Variants in POTEJ observed in about 807,000 individuals in gnomAD.
The protein encoded by POTEJ is POTE ankyrin domain family, member J.
In POTEJ, 11 loss-of-function variants were observed where a neutral mutation model predicts 69.0. That is an observed-to-expected ratio of 0.16 (90% CI 0.10 to 0.26). The LOEUF is 0.26. POTEJ is among the 10% of genes least tolerant of loss of function. POTEJ has a pLI of 1.00. For missense variants in POTEJ, 327 were observed against 1,045.5 expected (o/e 0.31, Z 9.48); for synonymous variants, 117 against 381.1 (o/e 0.31, Z 8.07).
intron 10 of POTEJ, among the ~76,000 whole-genome samples, chr2:130,643,527 A>G (rs1403747116): frequency 1.4e-5 from 2 of 143,866 alleles, no homozygotes; most frequent in Admixed American, 7.0e-5. Context: ...TTAAAAAAAA[A>G]AAAAGAAAAA....
At position 130,611,718 on chromosome 2, in the gene POTEJ, C is replaced by T. The variant is rs2105189169; in HGVS notation, c.186C>T (p.Gly62=). 1.3e-6 allele frequency: 2 copies of T among 1,561,936 alleles called. No individual in the cohort carries two copies. Among genetic ancestry groups the T allele is most frequent in the East Asian group, 4.5e-5 (2 of 44,518 alleles). ...TGAAGACACTCAGGAGCAAGATGGG[C>T]AAGTGGTGCTGCCACTGCTTCCCCT... ...STMKTLRSKM[G]KWCCHCFPCC... is the part of the protein sequence containing the mutation. The change falls in exon 1 of 15, where the codon GGC becomes GGT. Residue 62 remains glycine (G), a synonymous_variant. Transcript: ENST00000409602.
intron 6 of POTEJ, among the ~76,000 whole-genome samples, chr2:130,628,805 A>G (rs1467745380): frequency 2.7e-5 from 4 of 149,898 alleles, no homozygotes; most frequent in Non-Finnish European, 4.4e-5. Context: ...GCAGATCACA[A>G]GGTCAAAAGA....
At chr2:130,649,426 G>T (rs1434778894) in intron 13 of POTEJ, among the ~76,000 whole-genome samples, 1 of 152,190 alleles carries the variant, frequency 6.6e-6, no homozygotes, top group Non-Finnish European at 1.5e-5. Context: ...TCTATCTGAA[G>T]AATATATCCA....
chr2:130,640,014 T>G (rs1260293794), intron 10 of POTEJ, among the ~76,000 whole-genome samples: 24 of 151,586 alleles, frequency 1.6e-4, no homozygotes, highest in Non-Finnish European at 2.8e-4. Flanking sequence ...TAATTATGAT[T>G]TATTATATGT....
intron 13 of POTEJ, among the ~76,000 whole-genome samples, chr2:130,646,681 G>A (rs1408626360): frequency 7.1e-6 from 1 of 141,684 alleles, no homozygotes; most frequent in East Asian, 2.0e-4. Context: ...GTAGTTTTTT[G>A]GTCGTCTCCC....
At chr2:130,613,734 T>A (rs1337343169) in intron 1 of POTEJ, among the ~76,000 whole-genome samples, 1 of 131,404 alleles carries the variant, frequency 7.6e-6, no homozygotes, top group African/African-American at 3.3e-5. Context: ...AAGCTCATTT[T>A]AAAATTGGGC....
intron 9 of POTEJ, among the ~76,000 whole-genome samples, chr2:130,636,538 C>T (rs1377833402): frequency 6.8e-6 from 1 of 146,968 alleles, no homozygotes; most frequent in Admixed American, 6.9e-5. Flanking sequence ...TTTCCCACCA[C>T]CCTCCCCATC....
intron 6 of POTEJ, among the ~76,000 whole-genome samples, chr2:130,625,863 C>T (rs895751657): frequency 1.5e-5 from 2 of 133,882 alleles, no homozygotes; most frequent in Admixed American, 1.5e-4. Flanking sequence ...GGGAAATTTA[C>T]CGGGTAGAAT....
At chr2:130,643,308 G>T (rs1292633174) in intron 10 of POTEJ, among the ~76,000 whole-genome samples, 4 of 136,812 alleles carry the variant, frequency 2.9e-5, no homozygotes, top group African/African-American at 1.1e-4. Context: ...GGATCACGAG[G>T]TCAGGAGATC....
intron 10 of POTEJ, among the ~76,000 whole-genome samples, chr2:130,643,108 G>A (rs1573991427): frequency 1.4e-5 from 2 of 147,436 alleles, no homozygotes; most frequent in South Asian, 4.2e-4. Context: ...GAGGAATAAT[G>A]TACAGTTTAG....
chr2:130,656,265 C>T (rs1686982672), intron 14 of POTEJ, among the ~76,000 whole-genome samples: 1 of 142,976 alleles, frequency 7.0e-6, no homozygotes, highest in South Asian at 2.1e-4. Flanking sequence ...TAAAAATCCT[C>T]TAGTGATTTA....
chr2:130,637,620 G>T (rs1267895993), intron 9 of POTEJ, among the ~76,000 whole-genome samples: 1 of 152,244 alleles, frequency 6.6e-6, no homozygotes, highest in Non-Finnish European at 1.5e-5. Context: ...ATGTAAGGTG[G>T]TCTGTGAGAT....
chr2:130,640,573 G>A (rs1180407187), intron 10 of POTEJ, among the ~76,000 whole-genome samples: 1 of 151,924 alleles, frequency 6.6e-6, no homozygotes, highest in African/African-American at 2.4e-5. Context: ...CTCCTTTCGT[G>A]GTTGGCTAAT....
intron 9 of POTEJ, among the ~76,000 whole-genome samples, chr2:130,637,095 C>G (rs1250190530): frequency 1.4e-5 from 2 of 141,550 alleles, no homozygotes; most frequent in African/African-American, 5.3e-5. Flanking sequence ...AAAAAAAAAA[C>G]AAGTTTGACA....
At chr2:130,617,794 A>G (rs1685423287) in intron 3 of POTEJ, among the ~76,000 whole-genome samples, 1 of 152,290 alleles carries the variant, frequency 6.6e-6, no homozygotes, top group Admixed American at 6.5e-5. Flanking sequence ...GAGGGAAAAG[A>G]CCATGAAGAG....
intron 9 of POTEJ, among the ~76,000 whole-genome samples, chr2:130,634,184 A>T (rs1405038471): frequency 1.3e-5 from 2 of 152,360 alleles, no homozygotes; most frequent in African/African-American, 4.8e-5. Context: ...TAATTTGCTG[A>T]CCCTTGTGCT....
At chr2:130,643,255 C>T (rs1372944262) in intron 10 of POTEJ, among the ~76,000 whole-genome samples, 2 of 142,704 alleles carry the variant, frequency 1.4e-5, no homozygotes, top group East Asian at 3.9e-4. Context: ...AAAATAAGGC[C>T]AGGTGTGGTG....
At chr2:130,627,008 G>A (rs1685735632) in intron 6 of POTEJ, among the ~76,000 whole-genome samples, 1 of 152,164 alleles carries the variant, frequency 6.6e-6, no homozygotes, top group African/African-American at 2.4e-5. Flanking sequence ...ATATGATTTA[G>A]TAATAATTGA....
chr2:130,642,623 G>A (rs1686430072), intron 10 of POTEJ, among the ~76,000 whole-genome samples: 1 of 150,512 alleles, frequency 6.6e-6, no homozygotes, highest in Non-Finnish European at 1.5e-5. Context: ...ATGCAGATAG[G>A]ACCCGGGACC....
Sources: allele counts gnomAD v4.1 joint callset (sites outside exome capture counted in the v4.1 genomes callset), GRCh38; gene constraint gnomAD v4.1.1; transcripts MANE v1.5; gene names NCBI Gene and HGNC (gene_info 2026-07-23, HGNC 2026-07-21).